CDK14: variants seen among roughly 807,000 people sequenced by gnomAD.
CDK14 encodes cyclin dependent kinase 14, also known as cyclin-dependent kinase 14.
CDK14 carries 34 observed loss-of-function variants against 60.7 expected under a neutral mutation model. That is an observed-to-expected ratio of 0.56 (90% CI 0.43 to 0.75). CDK14 has a LOEUF of 0.75. Ranked by LOEUF, CDK14 falls within the 30% of genes least tolerant of loss-of-function variation. The pLI, the probability that CDK14 is intolerant of heterozygous loss-of-function variation, is 0.00. For missense variants in CDK14, 482 were observed against 564.1 expected (o/e 0.85, Z 1.47); for synonymous variants, 197 against 203.7 (o/e 0.97, Z 0.28).
intron 12 of CDK14, among the ~76,000 whole-genome samples, chr7:91,083,819 G>T (rs373155816): frequency 7.2e-5 from 11 of 152,274 alleles, no homozygotes; most frequent in South Asian, 2.1e-4. Flanking sequence ...TTGCAAGCAG[G>T]TGCCAGGAGG....
At chr7:90,737,044 T>C (rs1269280634) in intron 3 of CDK14, among the ~76,000 whole-genome samples, 2 of 152,204 alleles carry the variant, frequency 1.3e-5, no homozygotes, top group African/African-American at 4.8e-5. Context: ...TTTAAATTTG[T>C]TTCAGATGTA....
intron 5 of CDK14, among the ~76,000 whole-genome samples, chr7:90,820,138 A>AT (rs1285480665): frequency 3.3e-5 from 5 of 152,102 alleles, no homozygotes; most frequent in Non-Finnish European, 7.4e-5. Flanking sequence ...AAGTTAATAT[A>AT]TTTTTTAGTA....
chr7:90,727,641 G>T (rs990935591), intron 3 of CDK14, among the ~76,000 whole-genome samples: 1 of 151,898 alleles, frequency 6.6e-6, no homozygotes. Flanking sequence ...AGTTGTCATT[G>T]TCTACTTTTC....
At chr7:91,046,962 G>A (rs1051045756) in intron 11 of CDK14, among the ~76,000 whole-genome samples, 1 of 152,136 alleles carries the variant, frequency 6.6e-6, no homozygotes, top group African/African-American at 2.4e-5. Context: ...AAAGTGCGCA[G>A]TGTGTTCAGA....
chr7:91,054,219 A>T (rs913308777), intron 11 of CDK14, among the ~76,000 whole-genome samples: 13 of 150,646 alleles, frequency 8.6e-5, no homozygotes, highest in Admixed American at 2.0e-4. Flanking sequence ...AACTATAATG[A>T]TTATGGGTTA....
chr7:90,732,934 G>A (rs1802930384), intron 3 of CDK14, among the ~76,000 whole-genome samples: 1 of 108,044 alleles, frequency 9.3e-6, no homozygotes, highest in Non-Finnish European at 2.1e-5. Context: ...TTGATGTTAG[G>A]GTGTCAATTT....
rs1160809003 is a variant in CDK14, at chr7:90,669,527, T to G, written c.124-57040T>G. Among the ~76,000 whole-genome samples the G allele has an allele frequency of 5.9e-5, 9 of 152,322 alleles. No individual in the cohort carries two copies. In the East Asian group the frequency reaches 1.4e-3, roughly 23 times the overall value. Reference sequence around the variant, plus strand: ...AGTGAGAAAGAAAACTGCTGTAGCCTGGAATATTGCTGCCTTACCACCAGA... The same window carrying G: ...AGTGAGAAAGAAAACTGCTGTAGCCGGGAATATTGCTGCCTTACCACCAGA... On this transcript the variant is annotated intron_variant, in intron 2 of 14. Transcript: ENST00000380050.
In CDK14 at chr7:91,064,534, C is replaced by T. The variant is rs147383476; in HGVS notation, c.1106-14898C>T. On this transcript the variant is annotated intron_variant, in intron 11 of 14. Transcript: ENST00000380050. ...AAACCACAGAGGATACAAGAAACAT[C>T]TGTTAAACATCAAATAGGAGTCGTG... Among the ~76,000 whole-genome samples, 255 of 152,320 alleles carry T rather than the reference C, an allele frequency of 1.7e-3. 1 individual carries two copies. Among genetic ancestry groups the T allele is most frequent in the African/African-American group, 5.8e-3 (240 of 41,578 alleles).
chr7:91,026,575 A>G (rs1474044199), intron 10 of CDK14, among the ~76,000 whole-genome samples: 1 of 152,152 alleles, frequency 6.6e-6, no homozygotes, highest in Non-Finnish European at 1.5e-5. Context: ...TCAAAGGTCA[A>G]CATATGTGTT....
chr7:91,035,436 T>A (rs1489528510), intron 10 of CDK14, among the ~76,000 whole-genome samples: 1 of 152,216 alleles, frequency 6.6e-6, no homozygotes. Context: ...CATTGGTCCT[T>A]GTTGTCATGT....
At chr7:90,757,248 G>C (rs1012542609) in intron 4 of CDK14, among the ~76,000 whole-genome samples, 2 of 135,692 alleles carry the variant, frequency 1.5e-5, no homozygotes, top group African/African-American at 2.7e-5. Context: ...GTGTGTGTGT[G>C]TGTCTGTGTG....
rs755085753 is a variant in CDK14, at chr7:90,629,620, G to T, written c.123+25371G>T. 2.6e-4 allele frequency among the ~76,000 whole-genome samples: 39 copies of T among 152,336 alleles called. 1 individual carries two copies. Among genetic ancestry groups the T allele is most frequent in the South Asian group, 1.4e-3 (7 of 4,830 alleles). ...GTTAAAGGGTGCCAGACATTCTGTA[G>T]TGTACAGAACAGCTAACTAAGTGAA... On this transcript the variant is annotated intron_variant, in intron 2 of 14. Coordinates refer to ENST00000380050, the MANE Select transcript of CDK14 (RefSeq NM_001287135.2).
rs558873317 is a variant in CDK14 at position 90,851,390 on chromosome 7, A to C, written c.545-11785A>C. 4.6e-5 allele frequency among the ~76,000 whole-genome samples: 7 copies of C among 152,284 alleles called. No homozygotes were observed. The South Asian group carries it at 1.5e-3, about 32-fold the overall frequency. On this transcript the variant is annotated intron_variant, in intron 5 of 14. Coordinates refer to ENST00000380050, the MANE Select transcript of CDK14 (RefSeq NM_001287135.2). ...GTGTGGGTAATGTACATGAAACAAG[A>C]TGAAAACTTATTAGAAAGGGAAGCA...
chr7:90,794,426 A>T (rs1442269102), intron 5 of CDK14, among the ~76,000 whole-genome samples: 1 of 152,158 alleles, frequency 6.6e-6, no homozygotes, highest in Non-Finnish European at 1.5e-5. Flanking sequence ...GGCTTATTTC[A>T]TCCCTTGTCT....
At chr7:91,042,717 T>C (rs945463966) in intron 10 of CDK14, among the ~76,000 whole-genome samples, 2 of 152,236 alleles carry the variant, frequency 1.3e-5, no homozygotes, top group African/African-American at 4.8e-5. Context: ...TTTTAAGTGT[T>C]CGTGGCACCT....
chr7:90,882,246 C>T (rs1240058956), intron 6 of CDK14, among the ~76,000 whole-genome samples: 6 of 107,492 alleles, frequency 5.6e-5, no homozygotes, highest in Non-Finnish European at 9.1e-5. Flanking sequence ...AGGAAATTTA[C>T]CAAGCAAATG....
chr7:90,731,579 G>C (rs988321581), intron 3 of CDK14, among the ~76,000 whole-genome samples: 4 of 152,036 alleles, frequency 2.6e-5, no homozygotes, highest in Non-Finnish European at 5.9e-5. Flanking sequence ...TGGATTCCTA[G>C]GTATTTTATT....
At chr7:91,049,527 T>C (rs1332240418) in intron 11 of CDK14, among the ~76,000 whole-genome samples, 2 of 152,180 alleles carry the variant, frequency 1.3e-5, no homozygotes, top group Non-Finnish European at 2.9e-5. Flanking sequence ...TGACCACAAT[T>C]TTTTTAAAGA....
rs1484098973 is a variant in CDK14, at chr7:91,208,400, C to G, written c.*1264C>G. Reference sequence around the variant, plus strand: ...CTTTTGCTTTGATCTGGAGGGAGGGCTGCCTGATGCAGGCCGGCTCCCAGT... The same window carrying G: ...CTTTTGCTTTGATCTGGAGGGAGGGGTGCCTGATGCAGGCCGGCTCCCAGT... On this transcript the variant is annotated 3_prime_UTR_variant, in exon 15 of 15. Transcript: ENST00000380050. The G allele has an allele frequency of 6.6e-6, 1 of 152,618 alleles. No homozygotes were observed. Among genetic ancestry groups the G allele is most frequent in the Non-Finnish European group, 1.5e-5 (1 of 68,074 alleles). 9.5% of individuals were successfully genotyped at this position (152,618 alleles called of 1,614,324 possible).
Sources: allele counts gnomAD v4.1 joint callset (sites outside exome capture counted in the v4.1 genomes callset), GRCh38; gene constraint gnomAD v4.1.1; transcripts MANE v1.5; gene names NCBI Gene and HGNC (gene_info 2026-07-23, HGNC 2026-07-21).